The following PIK3AP1 variants were observed in gnomAD, a reference collection of about 807,000 sequenced individuals.
The protein encoded by PIK3AP1 is phosphoinositide-3-kinase adaptor protein 1.
PIK3AP1 carries 21 observed loss-of-function variants against 88.1 expected under a neutral mutation model. The observed-to-expected ratio is 0.24, with a 90% CI of 0.17 to 0.34. The LOEUF is 0.34. Ranked by LOEUF, PIK3AP1 falls within the 10% of genes least tolerant of loss-of-function variation. The pLI is 1.00. For synonymous variants in PIK3AP1, 398 were observed against 400.0 expected (o/e 1.00, Z 0.06); for missense variants, 828 against 1,035.7 (o/e 0.80, Z 2.75).
chr10:96,628,889 C>CATATAGATATAT (rs1554955371), intron 8 of PIK3AP1, among the ~76,000 whole-genome samples: 6 of 60,852 alleles, frequency 9.9e-5, no homozygotes, highest in Admixed American at 2.2e-4. Context: ...TATATATATA[C>CATATAGATATAT]ATATATATAT....
At chr10:96,700,749 T>TC in intron 2 of PIK3AP1, 1 of 912,216 alleles carries the variant, frequency 1.1e-6, no homozygotes, top group Non-Finnish European at 1.3e-6. Flanking sequence ...GCCTAGATTT[T>TC]CCCCTCAGTC....
chr10:96,652,687 G>T lies in PIK3AP1; in HGVS notation c.712+11C>A, dbSNP rs762600258. On this transcript the variant is annotated intron_variant, in intron 4 of 16. Coordinates refer to ENST00000339364, the MANE Select transcript of PIK3AP1 (RefSeq NM_152309.3). Reference sequence around the variant, plus strand: ...AGCCCTATGTCATCACATTCACAGGGGACTACTTACTGGGAGCCTTCACTG... The same window carrying T: ...AGCCCTATGTCATCACATTCACAGGTGACTACTTACTGGGAGCCTTCACTG... 6.2e-7 allele frequency: 1 copy of T among 1,613,858 alleles called. No individual in the cohort carries two copies. The highest frequency in any genetic ancestry group is 1.1e-5 in the South Asian group (1 of 91,064).
chr10:96,657,001 A>G, intron 2 of PIK3AP1, 67 bp from the exon 3 acceptor site: 7 of 1,539,686 alleles, frequency 4.5e-6, no homozygotes, highest in Non-Finnish European at 4.4e-6. Context: ...GTTCCACCCC[A>G]TGAGAGCCCC....
intron 2 of PIK3AP1, among the ~76,000 whole-genome samples, chr10:96,660,006 C>T (rs1843664716): frequency 6.6e-6 from 1 of 151,722 alleles, no homozygotes; most frequent in Non-Finnish European, 1.5e-5. Flanking sequence ...AAGGATAGTC[C>T]TATTTTATAT....
chr10:96,679,797 G>A (rs1192462774), intron 2 of PIK3AP1, among the ~76,000 whole-genome samples: 10 of 152,190 alleles, frequency 6.6e-5, no homozygotes, highest in Non-Finnish European at 1.5e-4. Flanking sequence ...CTGGTGGCAA[G>A]ACGGCTGTGG....
intron 14 of PIK3AP1, among the ~76,000 whole-genome samples, chr10:96,606,638 CA>C (rs1390553494): frequency 1.3e-5 from 2 of 152,194 alleles, no homozygotes; most frequent in African/African-American, 4.8e-5. Context: ...TCACACTTGC[CA>C]GGGGGAAGGG....
intron 2 of PIK3AP1, among the ~76,000 whole-genome samples, chr10:96,665,205 A>T (rs1479419864): frequency 1.3e-5 from 2 of 152,216 alleles, no homozygotes; most frequent in Admixed American, 1.3e-4. Context: ...CTCTGGAGAA[A>T]TGATTGAAAA....
intron 2 of PIK3AP1, among the ~76,000 whole-genome samples, chr10:96,677,600 C>T (rs1049497653): frequency 6.6e-6 from 1 of 151,570 alleles, no homozygotes; most frequent in African/African-American, 2.4e-5. Context: ...CACACACACA[C>T]ACACACACAC....
chr10:96,642,418 G>A (rs1418765398), intron 8 of PIK3AP1, among the ~76,000 whole-genome samples: 1 of 68,926 alleles, frequency 1.5e-5, no homozygotes, highest in Admixed American at 2.2e-4. Flanking sequence ...AGAGCCAGAT[G>A]TTGTCTCAAA....
At chr10:96,600,342 A>C (rs1848866405) in intron 16 of PIK3AP1, among the ~76,000 whole-genome samples, 1 of 152,252 alleles carries the variant, frequency 6.6e-6, no homozygotes, top group Non-Finnish European at 1.5e-5. Flanking sequence ...AGTAAGTCTC[A>C]ATAAATAACA....
At chr10:96,679,685 G>A (rs1275042363) in intron 2 of PIK3AP1, among the ~76,000 whole-genome samples, 3 of 152,120 alleles carry the variant, frequency 2.0e-5, no homozygotes, top group Non-Finnish European at 4.4e-5. Context: ...CCAAAGCCCA[G>A]CATTCAGGCA....
chr10:96,710,616 A>G (rs1261936205), intron 1 of PIK3AP1, among the ~76,000 whole-genome samples: 1 of 152,184 alleles, frequency 6.6e-6, no homozygotes, highest in Non-Finnish European at 1.5e-5. Context: ...AACAATAATA[A>G]CAATAATAAT....
At chr10:96,611,618 C>T (rs1029960544) in intron 13 of PIK3AP1, among the ~76,000 whole-genome samples, 6 of 152,098 alleles carry the variant, frequency 3.9e-5, no homozygotes, top group South Asian at 4.1e-4. Flanking sequence ...TACAGGCACG[C>T]GCCACCATGC....
chr10:96,629,938 AGAAGAAGAAG>A (rs1843222454), intron 8 of PIK3AP1, among the ~76,000 whole-genome samples: 2 of 128,240 alleles, frequency 1.6e-5, no homozygotes, highest in Non-Finnish European at 3.3e-5. Context: ...AAAAAGAAGA[AGAAGAAGAAG>A]AAGAAGAAGA....
At chr10:96,599,884 A>G (rs1363729622) in intron 16 of PIK3AP1, among the ~76,000 whole-genome samples, 1 of 152,216 alleles carries the variant, frequency 6.6e-6, no homozygotes. Context: ...AGACTCCCCA[A>G]ACAACTCAAC....
In PIK3AP1 at chr10:96,713,996, A is replaced by G. The variant is rs527587605; in HGVS notation, c.14-4013T>C. The stretch of plus-strand genomic sequence containing the variant: ...CGAGACCAGCCTGACCAATATGATG[A>G]AACCCTGTCTCTACTAAAAATACAA... On this transcript the variant is annotated intron_variant, in intron 1 of 16. Coordinates refer to ENST00000339364, the MANE Select transcript of PIK3AP1 (RefSeq NM_152309.3). Among the ~76,000 whole-genome samples, 3 of 152,302 alleles carry G rather than the reference A, an allele frequency of 2.0e-5. No individual in the cohort carries two copies. The South Asian group carries it at 6.2e-4, about 32-fold the overall frequency.
chr10:96,718,692 C>T (rs563654), intron 1 of PIK3AP1, among the ~76,000 whole-genome samples: 25,105 of 152,090 alleles, frequency 0.17, 3,140 homozygotes, highest in African/African-American at 0.32. Flanking sequence ...GTACACAGGA[C>T]GCTGGAAAAG....
chr10:96,623,619 G>A, intron 10 of PIK3AP1, 82 bp from the exon 11 acceptor site: 2 of 1,222,362 alleles, frequency 1.6e-6, no homozygotes, highest in Non-Finnish European at 2.4e-6. Context: ...TCCATACCTA[G>A]GACCACCGTA....
chr10:96,603,671 TACACACACACAC>T (rs10528215), intron 15 of PIK3AP1: 1,680 of 163,098 alleles, frequency 0.01, 23 homozygotes, highest in Admixed American at 0.027. Context: ...TACTACTTAA[TACACACACACAC>T]ACACACACAC....
Sources: allele counts gnomAD v4.1 joint callset (sites outside exome capture counted in the v4.1 genomes callset), GRCh38; gene constraint gnomAD v4.1.1; transcripts MANE v1.5; gene names NCBI Gene and HGNC (gene_info 2026-07-23, HGNC 2026-07-21).